Variants in PDE7B observed in about 807,000 individuals in gnomAD.
The protein encoded by PDE7B is phosphodiesterase 7B.
Under a neutral mutation model 56.2 loss-of-function variants are expected in PDE7B, and 29 were observed. The observed-to-expected ratio is 0.52, with a 90% CI of 0.38 to 0.70. The LOEUF is 0.70. PDE7B is among the 30% of genes least tolerant of loss of function. PDE7B has a pLI of 0.00. For synonymous variants in PDE7B, 197 were observed against 196.9 expected (o/e 1.00, Z 0.00); for missense variants, 490 against 565.0 (o/e 0.87, Z 1.35).
intron 3 of PDE7B, among the ~76,000 whole-genome samples, chr6:136,117,873 C>A (rs1380398918): frequency 1.3e-5 from 2 of 152,020 alleles, no homozygotes; most frequent in Admixed American, 1.3e-4. Flanking sequence ...ATGGTTGCCC[C>A]ACCCAGAGCT....
At chr6:136,039,661 G>T (rs184561948) in intron 2 of PDE7B, among the ~76,000 whole-genome samples, 66 of 152,306 alleles carry the variant, frequency 4.3e-4, no homozygotes, top group African/African-American at 1.5e-3. Flanking sequence ...AACAGGGTTG[G>T]TCTCCAGTAA....
chr6:136,111,561 A>G (rs1402419120), intron 3 of PDE7B, among the ~76,000 whole-genome samples: 1 of 152,212 alleles, frequency 6.6e-6, no homozygotes. Context: ...TGGAGCAGAG[A>G]TGTATGAACA....
chr6:135,956,799 G>C (rs756353674), intron 2 of PDE7B, among the ~76,000 whole-genome samples: 2 of 147,598 alleles, frequency 1.4e-5, no homozygotes, highest in Non-Finnish European at 3.0e-5. Context: ...AGAAAAGAAA[G>C]ACAGAAAGAG....
rs184944704 is a variant in PDE7B, at chr6:136,159,742, G to A, written c.711+3984G>A. ...GTTGTTTTTCTTTCTGTATCCTCCG[G>A]ATTTAAAATGTTCAATTAACTCTGG... On this transcript the variant is annotated intron_variant, in intron 8 of 12. Transcript: ENST00000308191. Among the ~76,000 whole-genome samples the A allele has an allele frequency of 9.9e-5, 15 of 152,244 alleles. No homozygotes were observed. In the East Asian group the frequency reaches 2.1e-3, roughly 22 times the overall value.
intron 3 of PDE7B, among the ~76,000 whole-genome samples, chr6:136,138,052 A>C (rs1392336694): frequency 6.6e-6 from 1 of 152,122 alleles, no homozygotes; most frequent in African/African-American, 2.4e-5. Flanking sequence ...ACAAAGGTGC[A>C]TTAGGATAAC....
chr6:136,103,646 G>A (rs958234366), intron 2 of PDE7B, among the ~76,000 whole-genome samples: 12 of 152,216 alleles, frequency 7.9e-5, no homozygotes, highest in Admixed American at 2.6e-4. Context: ...GCTGCTTTGC[G>A]GCTTCACCTT....
At position 136,008,436 on chromosome 6, in the gene PDE7B, G is replaced by T. The variant is rs368777617; in HGVS notation, c.82+60912G>T. Among the ~76,000 whole-genome samples, 122 of 152,234 alleles carry T rather than the reference G, an allele frequency of 8.0e-4. 1 individual carries two copies. Among genetic ancestry groups the T allele is most frequent in the African/African-American group, 2.5e-3 (104 of 41,562 alleles). ...TGACGTCCACAATGGTTGAACTAGTGTAGAGTCCCACCAACAGTGTAAAAG... is the reference window on the plus strand; with the variant it reads ...TGACGTCCACAATGGTTGAACTAGTTTAGAGTCCCACCAACAGTGTAAAAG... On this transcript the variant is annotated intron_variant, in intron 2 of 12. Coordinates refer to ENST00000308191, the MANE Select transcript of PDE7B (RefSeq NM_018945.4).
At chr6:135,989,600 G>C (rs1775445304) in intron 2 of PDE7B, among the ~76,000 whole-genome samples, 1 of 151,904 alleles carries the variant, frequency 6.6e-6, no homozygotes, top group African/African-American at 2.4e-5. Flanking sequence ...GGCAACAAGA[G>C]CGAAACTCTG....
At chr6:136,086,680 G>A (rs916173852) in intron 2 of PDE7B, among the ~76,000 whole-genome samples, 1 of 152,144 alleles carries the variant, frequency 6.6e-6, no homozygotes, top group African/African-American at 2.4e-5. Context: ...CTATGAGCGT[G>A]CATTTTCTCT....
intron 3 of PDE7B, among the ~76,000 whole-genome samples, chr6:136,141,020 G>C (rs1382112819): frequency 2.6e-5 from 4 of 152,166 alleles, no homozygotes; most frequent in Admixed American, 2.0e-4. Flanking sequence ...GGAGTGGTGA[G>C]AGAGGGCATC....
At chr6:136,045,733 C>T (rs1045013409) in intron 2 of PDE7B, among the ~76,000 whole-genome samples, 2 of 151,846 alleles carry the variant, frequency 1.3e-5, no homozygotes, top group Admixed American at 6.6e-5. Context: ...GAGACCGAGT[C>T]GCAGTTGCAT....
chr6:135,902,984 T>C (rs541907957), intron 1 of PDE7B, among the ~76,000 whole-genome samples: 1 of 152,324 alleles, frequency 6.6e-6, no homozygotes, highest in Admixed American at 6.5e-5. Context: ...AAGTGGTATT[T>C]AGATTCCAAA....
intron 2 of PDE7B, among the ~76,000 whole-genome samples, chr6:136,108,138 A>AG (rs1777679803): frequency 6.6e-6 from 1 of 150,408 alleles, no homozygotes; most frequent in Admixed American, 6.6e-5. Flanking sequence ...AAAAAAAAAA[A>AG]AAAAAGAAAG....
chr6:135,857,052 C>T (rs1342898852), intron 1 of PDE7B, among the ~76,000 whole-genome samples: 2 of 136,554 alleles, frequency 1.5e-5, no homozygotes, highest in Admixed American at 7.2e-5. Context: ...CTCCCTCCCT[C>T]CCTTCCTTCC....
chr6:136,041,926 T>C (rs762437278), intron 2 of PDE7B, among the ~76,000 whole-genome samples: 2 of 152,164 alleles, frequency 1.3e-5, no homozygotes, highest in African/African-American at 2.4e-5. Flanking sequence ...TCCACAGAAC[T>C]CATGTGGTCA....
At chr6:135,926,092 G>GT (rs1297996726) in intron 1 of PDE7B, among the ~76,000 whole-genome samples, 1 of 96,966 alleles carries the variant, frequency 1.0e-5, no homozygotes, top group Non-Finnish European at 2.4e-5. Flanking sequence ...TTTTGGGGGG[G>GT]GGGGGGGGAG....
chr6:136,157,922 G>C (rs779957608), intron 8 of PDE7B, among the ~76,000 whole-genome samples: 1 of 152,182 alleles, frequency 6.6e-6, no homozygotes, highest in Non-Finnish European at 1.5e-5. Context: ...CTCCGTCTCT[G>C]ATCAGTGTGT....
At chr6:136,070,573 T>C (rs1777031080) in intron 2 of PDE7B, among the ~76,000 whole-genome samples, 5 of 152,172 alleles carry the variant, frequency 3.3e-5, no homozygotes, top group Admixed American at 3.3e-4. Flanking sequence ...GGTTAGTTAA[T>C]GGCATTGATC....
intron 1 of PDE7B, among the ~76,000 whole-genome samples, chr6:135,933,724 A>AAT (rs35875285): frequency 0.52 from 78,930 of 151,926 alleles, 20,901 homozygotes; most frequent in East Asian, 0.68. Flanking sequence ...TTAAATGATG[A>AAT]ATATGTCATA....
Sources: gnomAD v4.1 joint callset for allele counts (sites outside exome capture counted in the v4.1 genomes callset) on GRCh38, gnomAD v4.1.1 for gene constraint, MANE v1.5 for transcripts, NCBI Gene and HGNC (gene_info 2026-07-23, HGNC 2026-07-21) for gene names.